Variants in PRIM2 observed in about 807,000 individuals in gnomAD.
PRIM2 encodes the protein DNA primase large subunit.
In PRIM2, 39 loss-of-function variants were observed where a neutral mutation model predicts 67.3. The observed-to-expected ratio is 0.58, with a 90% CI of 0.45 to 0.76. The LOEUF (loss-of-function observed/expected upper bound fraction) is 0.76. PRIM2 is among the 30% of genes least tolerant of loss of function. The pLI is 0.00. For synonymous variants in PRIM2, 143 were observed against 198.7 expected (o/e 0.72, Z 2.36); for missense variants, 398 against 598.7 (o/e 0.66, Z 3.50).
At chr6:57,521,093 T>C (rs1207415646) in intron 8 of PRIM2, among the ~76,000 whole-genome samples, 2 of 152,158 alleles carry the variant, frequency 1.3e-5, no homozygotes, top group African/African-American at 4.8e-5. Flanking sequence ...AGAATTTTAT[T>C]GATTGTGTTC....
At chr6:57,463,335 A>G (rs1773070301) in intron 7 of PRIM2, among the ~76,000 whole-genome samples, 1 of 152,176 alleles carries the variant, frequency 6.6e-6, no homozygotes, top group Non-Finnish European at 1.5e-5. Context: ...TCTACAAAAA[A>G]TAAAAAATTA....
chr6:57,448,838 T>C (rs575907964), intron 7 of PRIM2, among the ~76,000 whole-genome samples: 4 of 152,326 alleles, frequency 2.6e-5, no homozygotes, highest in African/African-American at 4.8e-5. Flanking sequence ...TATAATTTGG[T>C]ATCTTATTGC....
chr6:57,330,911 G>C (rs1392145321), intron 5 of PRIM2, among the ~76,000 whole-genome samples: 1 of 151,984 alleles, frequency 6.6e-6, no homozygotes, highest in Non-Finnish European at 1.5e-5. Context: ...GGCCGGGCGC[G>C]GTGGCTCACA....
chr6:57,591,970 C>T (rs2127488712), intron 10 of PRIM2, among the ~76,000 whole-genome samples: 1 of 152,264 alleles, frequency 6.6e-6, no homozygotes, highest in South Asian at 2.1e-4. Context: ...ACATATACAA[C>T]AAGGAATACT....
intron 7 of PRIM2, among the ~76,000 whole-genome samples, chr6:57,428,673 T>C (rs1234858833): frequency 6.6e-6 from 1 of 152,140 alleles, no homozygotes; most frequent in African/African-American, 2.4e-5. Context: ...GCATAACCTC[T>C]AAATATGGTT....
chr6:57,631,964 G>A (rs1332009939), intron 12 of PRIM2, among the ~76,000 whole-genome samples, 169 bp from the exon 13 acceptor site: 7 of 152,208 alleles, frequency 4.6e-5, no homozygotes, highest in Admixed American at 2.0e-4. Flanking sequence ...ACTGTATAAT[G>A]TCAGAATTAT....
intron 12 of PRIM2, among the ~76,000 whole-genome samples, chr6:57,620,524 C>T (rs1776833377): frequency 1.3e-5 from 2 of 152,126 alleles, no homozygotes; most frequent in South Asian, 4.1e-4. Flanking sequence ...TGAGAGAATT[C>T]GCCATTACTA....
intron 7 of PRIM2, among the ~76,000 whole-genome samples, chr6:57,476,660 C>T (rs1302066023): frequency 5.5e-4 from 83 of 152,202 alleles, no homozygotes; most frequent in African/African-American, 1.9e-3. Context: ...ACTTATAGTA[C>T]TCTTTGCTAA....
chr6:57,425,387 T>G (rs1314353318), intron 7 of PRIM2, among the ~76,000 whole-genome samples: 1 of 152,114 alleles, frequency 6.6e-6, no homozygotes, highest in Non-Finnish European at 1.5e-5. Context: ...CAGCTAATTT[T>G]TGTATTTTTA....
intron 10 of PRIM2, among the ~76,000 whole-genome samples, chr6:57,544,813 A>G (rs1332314000): frequency 2.6e-5 from 4 of 152,316 alleles, no homozygotes; most frequent in East Asian, 1.9e-4. Context: ...TGCCTGACTC[A>G]TAGCAGGCAC....
At chr6:57,272,242 A>T in the PRIM2 span, among the ~76,000 whole-genome samples, 1 of 152,084 alleles carries the variant, frequency 6.6e-6, no homozygotes, top group African/African-American at 2.4e-5. Context: ...AAAGTCTCCC[A>T]TTATTATTGT....
chr6:57,645,443 A>G (rs1777319287), intron 13 of PRIM2, among the ~76,000 whole-genome samples: 1 of 150,580 alleles, frequency 6.6e-6, no homozygotes, highest in Non-Finnish European at 1.5e-5. Context: ...AGAATTGGTA[A>G]TGTTTTGGGT....
At chr6:57,422,605 C>G (rs1240756899) in intron 7 of PRIM2, among the ~76,000 whole-genome samples, 1 of 149,860 alleles carries the variant, frequency 6.7e-6, no homozygotes, top group Non-Finnish European at 1.5e-5. Flanking sequence ...TACTTAGATA[C>G]CAAGTTAATA....
intron 7 of PRIM2, among the ~76,000 whole-genome samples, chr6:57,394,867 A>G (rs1035750026): frequency 1.3e-5 from 2 of 151,980 alleles, no homozygotes; most frequent in Non-Finnish European, 2.9e-5. Flanking sequence ...AGTTTTAATC[A>G]TAAAGAGATG....
chr6:57,318,629 A>G, intron 2 of PRIM2, 30 bp downstream of exon 2: 1 of 1,501,796 alleles, frequency 6.7e-7, no homozygotes, highest in Middle Eastern at 2.1e-4. Context: ...GAATGTATAT[A>G]TTCTTGAGAA....
intron 8 of PRIM2, among the ~76,000 whole-genome samples, chr6:57,527,654 G>A (rs2127466539): frequency 1.3e-5 from 2 of 152,278 alleles, no homozygotes; most frequent in Non-Finnish European, 2.9e-5. Context: ...TTCACTGCCT[G>A]CAGAGCATGG....
the PRIM2 span, among the ~76,000 whole-genome samples, chr6:57,229,581 A>T: frequency 6.6e-6 from 1 of 151,748 alleles, no homozygotes; most frequent in Non-Finnish European, 1.5e-5. Flanking sequence ...TCTGCCTCCC[A>T]GGTTCAAGCA....
chr6:57,562,529 G>T (rs1319449960), intron 10 of PRIM2, among the ~76,000 whole-genome samples: 1 of 152,060 alleles, frequency 6.6e-6, no homozygotes, highest in Non-Finnish European at 1.5e-5. Context: ...CATATTTTCA[G>T]CCTAACCACC....
At chr6:57,460,190 G>A (rs1772957102) in intron 7 of PRIM2, among the ~76,000 whole-genome samples, 1 of 150,634 alleles carries the variant, frequency 6.6e-6, no homozygotes, top group African/African-American at 2.4e-5. Context: ...AAGAAAAGTA[G>A]AACATTTTAC....
Sources: allele counts gnomAD v4.1 joint callset (sites outside exome capture counted in the v4.1 genomes callset), GRCh38; gene constraint gnomAD v4.1.1; transcripts MANE v1.5; gene names NCBI Gene and HGNC (gene_info 2026-07-23, HGNC 2026-07-21).